The following MALRD1 variants were observed in gnomAD, a reference collection of about 807,000 sequenced individuals.
The protein encoded by MALRD1 is MAM and LDL-receptor class A domain-containing protein 1.
In MALRD1, 247 loss-of-function variants were observed where a neutral mutation model predicts 242.1. That is an observed-to-expected ratio of 1.02 (90% confidence interval 0.92 to 1.13). The LOEUF (loss-of-function observed/expected upper bound fraction) is 1.13, where lower values mean the gene tolerates loss of function less well. Among genes scored for constraint, MALRD1 ranks in the 50% most tolerant of loss-of-function variants. The pLI, the probability that MALRD1 is intolerant of heterozygous loss-of-function variation, is 0.00. For synonymous variants in MALRD1, 995 were observed against 866.6 expected, an observed-to-expected ratio of 1.15 and a Z score of -2.60; for missense variants, 2,989 against 2,533.1, an observed-to-expected ratio of 1.18 and a Z score of -3.86.
At chr10:19,086,356 A>G (rs1336375044) in intron 2 of MALRD1, among the ~76,000 whole-genome samples, 1 of 152,074 alleles carries the variant, frequency 6.6e-6, no homozygotes, top group Non-Finnish European at 1.5e-5. Context: ...CATAGACATC[A>G]TCATCATATT....
chr10:19,157,504 C>T (rs1834209797), intron 12 of MALRD1, among the ~76,000 whole-genome samples: 1 of 152,060 alleles, frequency 6.6e-6, no homozygotes, highest in African/African-American at 2.4e-5. Context: ...ACCTTGGCCT[C>T]CCAAAGTGCT....
chr10:19,607,393 C>T (rs1451880105), intron 34 of MALRD1, among the ~76,000 whole-genome samples: 1 of 152,112 alleles, frequency 6.6e-6, no homozygotes, highest in Admixed American at 6.6e-5. Flanking sequence ...TGTGTCTTCA[C>T]GTAGCCTTTC....
chr10:19,334,461 AGAT>A (rs1013481041), intron 24 of MALRD1, among the ~76,000 whole-genome samples: 5 of 151,786 alleles, frequency 3.3e-5, no homozygotes, highest in Non-Finnish European at 7.4e-5. Flanking sequence ...AGTGTTTGAG[AGAT>A]GATAAGTGTT....
intron 33 of MALRD1, among the ~76,000 whole-genome samples, chr10:19,594,027 C>T (rs1837950473): frequency 1.3e-5 from 2 of 152,134 alleles, no homozygotes; most frequent in Admixed American, 6.5e-5. Flanking sequence ...ATTTCTGTGG[C>T]CCAACCCTGG....
chr10:19,495,445 T>A (rs1288283899), intron 30 of MALRD1, among the ~76,000 whole-genome samples: 4 of 148,326 alleles, frequency 2.7e-5, no homozygotes, highest in African/African-American at 5.0e-5. Context: ...TATTCAACAT[T>A]CTAAAAAAAA....
At chr10:19,412,089 A>G (rs1289390094) in intron 28 of MALRD1, among the ~76,000 whole-genome samples, 2 of 152,204 alleles carry the variant, frequency 1.3e-5, no homozygotes, top group Non-Finnish European at 2.9e-5. Context: ...ACCTGAATTC[A>G]GGAGTTCAAG....
chr10:19,336,352 G>A (rs1307783153), intron 24 of MALRD1, among the ~76,000 whole-genome samples: 2 of 152,106 alleles, frequency 1.3e-5, no homozygotes, highest in Non-Finnish European at 2.9e-5. Flanking sequence ...TTCTCCAAAT[G>A]TTTTAACTTT....
intron 33 of MALRD1, among the ~76,000 whole-genome samples, chr10:19,575,321 A>T (rs1014502256): frequency 3.3e-5 from 5 of 152,100 alleles, no homozygotes. Context: ...AGCATGGTTG[A>T]TTTCAAGCTG....
chr10:19,445,321 AG>A (rs1394993928), intron 28 of MALRD1, among the ~76,000 whole-genome samples: 1 of 152,152 alleles, frequency 6.6e-6, no homozygotes, highest in African/African-American at 2.4e-5. Flanking sequence ...AATTTGTCAA[AG>A]TTATTCTCCA....
At chr10:19,642,612 T>A (rs994379196) in intron 36 of MALRD1, among the ~76,000 whole-genome samples, 1 of 152,178 alleles carries the variant, frequency 6.6e-6, no homozygotes, top group Admixed American at 6.5e-5. Context: ...ACAAACCTAC[T>A]TCTAAAGCTA....
At chr10:19,106,448 T>G (rs572779018) in intron 5 of MALRD1, among the ~76,000 whole-genome samples, 1 of 152,036 alleles carries the variant, frequency 6.6e-6, no homozygotes, top group East Asian at 1.9e-4. Flanking sequence ...CATAATGGTC[T>G]TTTATCCTTT....
At chr10:19,139,053 T>C (rs966715018) in intron 10 of MALRD1, among the ~76,000 whole-genome samples, 6 of 152,204 alleles carry the variant, frequency 3.9e-5, no homozygotes, top group Admixed American at 3.3e-4. Context: ...GGACTTGATA[T>C]AGGGAATATG....
intron 36 of MALRD1, among the ~76,000 whole-genome samples, chr10:19,629,521 T>G (rs1350719771): frequency 6.6e-6 from 1 of 152,196 alleles, no homozygotes; most frequent in Non-Finnish European, 1.5e-5. Flanking sequence ...CTAAAGTAGC[T>G]GCATAGGAAA....
chr10:19,534,268 C>G (rs1229447952), intron 32 of MALRD1, among the ~76,000 whole-genome samples: 4 of 152,168 alleles, frequency 2.6e-5, no homozygotes, highest in Admixed American at 2.6e-4. Flanking sequence ...ATCTTATTTT[C>G]TCAACTATTG....
chr10:19,516,717 C>A, intron 31 of MALRD1, among the ~76,000 whole-genome samples: 1 of 87,192 alleles, frequency 1.1e-5, no homozygotes, highest in African/African-American at 1.2e-4. Flanking sequence ...CCCTTGCTTA[C>A]CTCCCTCCCT....
intron 4 of MALRD1, among the ~76,000 whole-genome samples, chr10:19,102,179 A>C (rs1294045489): frequency 6.7e-6 from 1 of 148,786 alleles, no homozygotes; most frequent in Non-Finnish European, 1.5e-5. Context: ...TTTTTGAAAA[A>C]ATATCTTTTG....
At chr10:19,426,838 C>A (rs1017633901) in intron 28 of MALRD1, among the ~76,000 whole-genome samples, 1 of 152,090 alleles carries the variant, frequency 6.6e-6, no homozygotes, top group Non-Finnish European at 1.5e-5. Flanking sequence ...AAAATAAATT[C>A]TGGCATCTTA....
At chr10:19,072,765 A>G (rs769183472) in intron 2 of MALRD1, among the ~76,000 whole-genome samples, 5 of 152,110 alleles carry the variant, frequency 3.3e-5, no homozygotes, top group Non-Finnish European at 7.4e-5. Flanking sequence ...TTAAACATGT[A>G]TCTGAACTTT....
intron 10 of MALRD1, among the ~76,000 whole-genome samples, 168 bp from the exon 11 acceptor site, chr10:19,146,030 G>C (rs1010788757): frequency 2.0e-5 from 3 of 152,162 alleles, no homozygotes; most frequent in African/African-American, 7.2e-5. Flanking sequence ...CAGCACCTGA[G>C]ATATTGTGTG....
Sources: allele counts gnomAD v4.1 joint callset (sites outside exome capture counted in the v4.1 genomes callset), GRCh38; gene constraint gnomAD v4.1.1; transcripts MANE v1.5; gene names NCBI Gene and HGNC (gene_info 2026-07-23, HGNC 2026-07-21).